Variants in TRPS1 observed in about 807,000 individuals in gnomAD.
The protein encoded by TRPS1 is transcriptional repressor GATA binding 1, also known as zinc finger transcription factor Trps1.
Under a neutral mutation model 101.2 loss-of-function variants are expected in TRPS1, and 6 were observed. The ratio of observed to expected loss-of-function variants is 0.06; its 90% CI spans 0.03 to 0.12. The LOEUF is 0.12. Among genes scored for constraint, TRPS1 ranks in the 10% least tolerant of loss-of-function variants. TRPS1 has a pLI of 1.00. For missense variants in TRPS1, 1,363 were observed against 1,567.0 expected (o/e 0.87, Z 2.20); for synonymous variants, 578 against 589.8 (o/e 0.98, Z 0.29).
Position 115,604,424 on chromosome 8 carries a change from C to A in TRPS1, c.1545G>T (p.Ser515=), listed in dbSNP as rs576033105. The A allele has an allele frequency of 3.7e-6, 6 of 1,613,930 alleles. No homozygotes were observed. The highest frequency in any genetic ancestry group is 1.7e-5 in the Admixed American group (1 of 59,982). Residue 515 remains serine, a synonymous_variant, in exon 4 of 7, where the codon TCG becomes TCT. Coordinates refer to ENST00000395715, the MANE Select transcript of TRPS1 (RefSeq NM_014112.5). The surrounding 1 kb of genome is among the most constrained non-coding windows in gnomAD (Gnocchi z 4.1). ...GETMTKTDKS[S]SGAKKKDFSS... ...AGAAGTCCTTCTTTTTAGCCCCACTCGAGCTCTTGTCTGTCTTGGTCATTG... is the reference window on the plus strand; with the variant it reads ...AGAAGTCCTTCTTTTTAGCCCCACTAGAGCTCTTGTCTGTCTTGGTCATTG...
intron 5 of TRPS1, among the ~76,000 whole-genome samples, chr8:115,503,915 T>C (rs1048772567): frequency 6.6e-6 from 1 of 152,172 alleles, no homozygotes; most frequent in Non-Finnish European, 1.5e-5. Context: ...TGAACGAAAA[T>C]TATGCACTCT....
At chr8:115,571,615 G>T (rs535933239) in intron 5 of TRPS1, among the ~76,000 whole-genome samples, 2 of 152,050 alleles carry the variant, frequency 1.3e-5, no homozygotes, top group Non-Finnish European at 2.9e-5. Context: ...CAGTGTTAGC[G>T]ATTAAACAAC....
chr8:115,445,909 A>G lies in TRPS1; in HGVS notation c.2701-27457T>C, dbSNP rs182954882. 2.6e-3 allele frequency among the ~76,000 whole-genome samples: 398 copies of G among 152,306 alleles called. 6 individuals carry two copies. Among genetic ancestry groups the G allele is most frequent in the African/African-American group, 8.9e-3 (372 of 41,574 alleles). ...GCCCGTCAAAATTTCTGCAGGACAC[A>G]TTTATAGAAGTATACTTAAATATAT... On this transcript the variant is annotated intron_variant, in intron 5 of 6. Coordinates refer to ENST00000395715, the MANE Select transcript of TRPS1 (RefSeq NM_014112.5).
intron 5 of TRPS1, among the ~76,000 whole-genome samples, chr8:115,540,868 A>G (rs1248463404): frequency 6.6e-6 from 1 of 152,040 alleles, no homozygotes; most frequent in African/African-American, 2.4e-5. Context: ...AAAAGAAAAT[A>G]AAATTTTCAA....
intron 4 of TRPS1, among the ~76,000 whole-genome samples, chr8:115,589,528 T>G (rs1014751764): frequency 2.6e-5 from 4 of 152,172 alleles, no homozygotes; most frequent in African/African-American, 7.2e-5. Flanking sequence ...GAAGATTGTT[T>G]CCAATCTTTT....
Position 115,631,724 on chromosome 8 carries a change from G to A in TRPS1, c.-121-7966C>T, listed in dbSNP as rs140495035. Among the ~76,000 whole-genome samples the A allele has an allele frequency of 1.1e-4, 16 of 152,030 alleles. No homozygotes were observed. In the East Asian group the frequency reaches 3.1e-3, roughly 29 times the overall value. On this transcript the variant is annotated intron_variant, in intron 1 of 6. Coordinates refer to ENST00000395715, the MANE Select transcript of TRPS1 (RefSeq NM_014112.5). ...TTCTATATATTGCTTTTGTCTTCAA[G>A]GAAAGTCTGAATCTCTTGATATTAA...
intron 3 of TRPS1, among the ~76,000 whole-genome samples, chr8:115,605,710 G>GTTCTGTTT (rs1352875706): frequency 9.9e-5 from 15 of 152,232 alleles, no homozygotes; most frequent in African/African-American, 3.6e-4. Context: ...TTTGATTAAG[G>GTTCTGTTT]TTCTGTTTCA....
chr8:115,577,259 G>C (rs924066183), intron 5 of TRPS1, among the ~76,000 whole-genome samples: 2 of 151,984 alleles, frequency 1.3e-5, no homozygotes, highest in African/African-American at 4.8e-5. Flanking sequence ...TTCAAATGCA[G>C]TGTTTGTACA....
intron 5 of TRPS1, among the ~76,000 whole-genome samples, chr8:115,478,840 AATGTATAT>A (rs1252751964): frequency 2.8e-5 from 4 of 142,854 alleles, no homozygotes; most frequent in Non-Finnish European, 4.5e-5. Context: ...TATGTATATA[AATGTATAT>A]ATGTATATAT....
rs141228012 is a variant in TRPS1, at chr8:115,607,820, G to A, written c.967-2818C>T. ...TTTTATACTTTCTATACTGGTAGAT[G>A]TACACTCAAGTCATAGCGAAATATA... On this transcript the variant is annotated intron_variant, in intron 3 of 6. Transcript: ENST00000395715. Among the ~76,000 whole-genome samples, 13 of 152,122 alleles carry A rather than the reference G, an allele frequency of 8.5e-5. No homozygotes were observed. In the East Asian group the frequency reaches 1.3e-3, roughly 16 times the overall value.
chr8:115,563,368 AAAAGG>A (rs1816993243), intron 5 of TRPS1, among the ~76,000 whole-genome samples: 1 of 152,096 alleles, frequency 6.6e-6, no homozygotes, highest in Non-Finnish European at 1.5e-5. Context: ...CACCCTGCAC[AAAAGG>A]CTAACCCCTT....
chr8:115,414,028 CTT>C lies in TRPS1; in HGVS notation c.3878_3879del (p.Lys1293ArgfsTer5). ...TTGTGCTAAGTGCTAAGGTTTTACT[CTT>C]TAGGTTTTCCATTTTTTTCCACTTG... Reference protein sequence around the residue: ...NAQVEKNGKPKE With the variant: ...NAQVEKNGKPXE On this transcript the variant is annotated frameshift_variant, in exon 7 of 7. Coordinates refer to ENST00000395715, the MANE Select transcript of TRPS1 (RefSeq NM_014112.5). LOFTEE classifies it high-confidence loss of function. This position sits in a 1 kb window ranked among gnomAD's most constrained non-coding sequence, Gnocchi z 4.8. The C allele has an allele frequency of 6.2e-7, 1 of 1,613,534 alleles. No homozygotes were observed. Among genetic ancestry groups the C allele is most frequent in the Non-Finnish European group, 8.5e-7 (1 of 1,179,714 alleles).
chr8:115,509,859 C>CTT (rs1188711693), intron 5 of TRPS1: 1 of 151,974 alleles, frequency 6.6e-6, no homozygotes, highest in Non-Finnish European at 1.5e-5. Flanking sequence ...CTCTGCTGTC[C>CTT]TGCCTGCTGT....
intron 5 of TRPS1, among the ~76,000 whole-genome samples, chr8:115,449,785 G>T (rs1331954221): frequency 6.6e-6 from 1 of 152,142 alleles, no homozygotes; most frequent in African/African-American, 2.4e-5. Context: ...TATTTAACCT[G>T]ATCAGTCCAA....
intron 4 of TRPS1, among the ~76,000 whole-genome samples, chr8:115,589,992 C>T (rs1409835754): frequency 1.3e-5 from 2 of 152,062 alleles, no homozygotes; most frequent in African/African-American, 4.8e-5. Flanking sequence ...TGGCGGGAGC[C>T]TGTAATCCCA....
chr8:115,506,135 T>C (rs941470364), intron 5 of TRPS1, among the ~76,000 whole-genome samples: 1 of 152,062 alleles, frequency 6.6e-6, no homozygotes, highest in African/African-American at 2.4e-5. Flanking sequence ...TACTCACAGG[T>C]TTCTAAAAGT....
chr8:115,519,368 T>C (rs1049035507), intron 5 of TRPS1, among the ~76,000 whole-genome samples: 1 of 151,680 alleles, frequency 6.6e-6, no homozygotes, highest in Admixed American at 6.6e-5. Context: ...TAATTAATTT[T>C]GAAATCCACT....
chr8:115,462,345 G>A (rs185200895), intron 5 of TRPS1, among the ~76,000 whole-genome samples: 36 of 152,246 alleles, frequency 2.4e-4, no homozygotes, highest in Admixed American at 3.3e-4. Flanking sequence ...ATAGTGTAGC[G>A]AAGGGCAGTC....
At chr8:115,446,947 A>G (rs1813752322) in intron 5 of TRPS1, among the ~76,000 whole-genome samples, 2 of 152,238 alleles carry the variant, frequency 1.3e-5, no homozygotes, top group Admixed American at 6.5e-5. Context: ...CTGTTTTTCA[A>G]AGGTGAGGGT....
Sources: gnomAD v4.1 joint callset for allele counts (sites outside exome capture counted in the v4.1 genomes callset) on GRCh38, gnomAD v4.1.1 for gene constraint, Gnocchi (gnomAD v3.1) non-coding constraint, MANE v1.5 for transcripts, NCBI Gene and HGNC (gene_info 2026-07-23, HGNC 2026-07-21) for gene names.